KCNQ2: variants seen among roughly 807,000 people sequenced by gnomAD.
KCNQ2 encodes potassium voltage-gated channel subfamily Q member 2.
In KCNQ2, 14 loss-of-function variants were observed where a neutral mutation model predicts 84.8. That is an observed-to-expected ratio of 0.17 (90% CI 0.11 to 0.26). The LOEUF (loss-of-function observed/expected upper bound fraction) is 0.26, where lower values mean the gene tolerates loss of function less well. Among genes scored for constraint, KCNQ2 ranks in the 10% least tolerant of loss-of-function variants. KCNQ2 has a pLI of 1.00. For missense variants in KCNQ2, 788 were observed against 1,254.0 expected (o/e 0.63, Z 5.61); for synonymous variants, 599 against 554.1 (o/e 1.08, Z -1.14).
At chr20:63,461,827 T>G (rs1336942455) in intron 1 of KCNQ2, among the ~76,000 whole-genome samples, 3 of 123,284 alleles carry the variant, frequency 2.4e-5, no homozygotes, top group Admixed American at 8.4e-5. Flanking sequence ...GGGAAGAGGC[T>G]GCACCTACCC....
Position 63,463,067 on chromosome 20 carries a change from G to A in KCNQ2, c.296+9101C>T, listed in dbSNP as rs549570215. On this transcript the variant is annotated intron_variant, in intron 1 of 16. Transcript: ENST00000359125. ...GTGGGTGTCTTTTCTGTGTGTGTGT[G>A]TGTGTGTGTGTGTGTGTGTGCACAT... 7.2e-5 allele frequency among the ~76,000 whole-genome samples: 11 copies of A among 152,074 alleles called. No homozygotes were observed. The East Asian group carries it at 1.5e-3, about 21-fold the overall frequency.
rs563758575 is a variant in KCNQ2 at position 63,407,304 on chromosome 20, T to C, written c.1959A>G (p.Thr653=). ...TGGCCCCAAAGTAGGCCTCGGTCTC[T>C]GTCGGGGGGATGCCCATCCGCTGCA... ...IYMQRMGIPP[T]ETEAYFGAKE... Residue 653 remains threonine, a synonymous_variant, in exon 17 of 17, where the codon ACA becomes ACG. Transcript: ENST00000359125. The surrounding 1 kb of genome is among the most constrained non-coding windows in gnomAD (Gnocchi z 7.2). 1.9e-6 allele frequency: 3 copies of C among 1,596,274 alleles called. No individual in the cohort carries two copies. The highest frequency in any genetic ancestry group is 1.7e-5 in the Admixed American group (1 of 59,930).
chr20:63,411,997 C>T, intron 15 of KCNQ2: 1 of 641,708 alleles, frequency 1.6e-6, no homozygotes. Flanking sequence ...TCCGTCGAAA[C>T]AGGTGCTCTC....
At chr20:63,455,677 C>T (rs376396695) in intron 1 of KCNQ2, among the ~76,000 whole-genome samples, 2 of 152,136 alleles carry the variant, frequency 1.3e-5, no homozygotes, top group South Asian at 2.1e-4. Flanking sequence ...CCTGGGGCCC[C>T]CACCGCCCAG....
intron 1 of KCNQ2, among the ~76,000 whole-genome samples, chr20:63,452,108 C>T (rs1021381678): frequency 1.3e-5 from 2 of 152,244 alleles, no homozygotes; most frequent in Non-Finnish European, 2.9e-5. Flanking sequence ...CCACAGGCAG[C>T]GGCGGCAGAA....
rs2079798728 is a variant in KCNQ2 at position 63,401,008 on chromosome 20, G to A, written c.*5636C>T. On this transcript the variant is annotated 3_prime_UTR_variant, in exon 17 of 17. Transcript: ENST00000359125. ...GGCGTGTGGCGATGGCGATGTGCACGTGCCTGCCTGGTAGCCCCGGGGACC... is the reference window on the plus strand; with the variant it reads ...GGCGTGTGGCGATGGCGATGTGCACATGCCTGCCTGGTAGCCCCGGGGACC... 2 of 396,916 alleles carry A rather than the reference G, an allele frequency of 5.0e-6. No homozygotes were observed. Among genetic ancestry groups the A allele is most frequent in the Non-Finnish European group, 8.9e-6 (2 of 225,512 alleles). 24.6% of individuals were successfully genotyped at this position (396,916 alleles called of 1,614,324 possible).
chr20:63,467,244 C>A (rs1241777438), intron 1 of KCNQ2, among the ~76,000 whole-genome samples: 4 of 152,212 alleles, frequency 2.6e-5, no homozygotes, highest in Non-Finnish European at 4.4e-5. Flanking sequence ...TATTCAAGGC[C>A]CCCACAGGTC....
chr20:63,414,538 C>T lies in KCNQ2; in HGVS notation c.1526-345G>A, dbSNP rs1568878699. ...GCTCAGTGAAGGAAGCCAGACCCAA[C>T]GGCCCCACGTGGGAGCCGCAGACAC... On this transcript the variant is annotated intron_variant, in intron 13 of 16. Transcript: ENST00000359125. This position sits in a 1 kb window ranked among gnomAD's most constrained non-coding sequence, Gnocchi z 6.6. 6.6e-6 allele frequency among the ~76,000 whole-genome samples: 1 copy of T among 152,076 alleles called. No homozygotes were observed. The highest frequency in any genetic ancestry group is 1.5e-5 in the Non-Finnish European group (1 of 68,022).
At chr20:63,411,775 C>T (rs2080127701) in intron 15 of KCNQ2, 4 of 612,634 alleles carry the variant, frequency 6.5e-6, no homozygotes. Context: ...GCATCCTAAC[C>T]TAGGTGAGTA....
At chr20:63,470,477 C>T (rs1352858664) in intron 1 of KCNQ2, among the ~76,000 whole-genome samples, 1 of 152,212 alleles carries the variant, frequency 6.6e-6, no homozygotes, top group Non-Finnish European at 1.5e-5. Context: ...TCTCAGGAGG[C>T]AGAGACAGGA....
chr20:63,432,930 A>T lies in KCNQ2; in HGVS notation c.1118+879T>A, dbSNP rs559168178. Among the ~76,000 whole-genome samples the T allele has an allele frequency of 2.4e-3, 368 of 152,280 alleles. 1 individual carries two copies. Among genetic ancestry groups the T allele is most frequent in the Non-Finnish European group, 6.9e-4 (47 of 68,004 alleles). Reference sequence around the variant, plus strand: ...AGGCTCCAGGGGACAGAAACCCCCTAGGAGCAGGTGACGGGGGGCGCGGGA... The same window carrying T: ...AGGCTCCAGGGGACAGAAACCCCCTTGGAGCAGGTGACGGGGGGCGCGGGA... On this transcript the variant is annotated intron_variant, in intron 8 of 16. Transcript: ENST00000359125.
intron 12 of KCNQ2, 61 bp downstream of exon 12, chr20:63,419,558 G>A: frequency 6.6e-7 from 1 of 1,512,866 alleles, no homozygotes; most frequent in Non-Finnish European, 9.0e-7. Flanking sequence ...CCTCTAGTAA[G>A]CAGGGAGGGG....
rs1601570160 is a variant in KCNQ2 at position 63,414,227 on chromosome 20, G to A, written c.1526-34C>T. On this transcript the variant is annotated intron_variant, in intron 13 of 16. Transcript: ENST00000359125. The surrounding 1 kb of genome is among the most constrained non-coding windows in gnomAD (Gnocchi z 6.6). ...AAGGAGACAGGCCGTGAGGGGCCGA[G>A]GGGGCCGGGAGACCTATTCCCGGGG... 1.3e-6 allele frequency: 2 copies of A among 1,509,414 alleles called. No individual in the cohort carries two copies. The highest frequency in any genetic ancestry group is 3.4e-4 in the Middle Eastern group (2 of 5,854). 93.5% of individuals were successfully genotyped at this position (1,509,414 alleles called of 1,614,324 possible).
intron 1 of KCNQ2, among the ~76,000 whole-genome samples, chr20:63,466,202 C>T (rs2082077195): frequency 6.6e-6 from 1 of 152,166 alleles, no homozygotes; most frequent in Admixed American, 6.5e-5. Flanking sequence ...GAACAGCCGG[C>T]ATCTCCGCGG....
chr20:63,463,370 G>A (rs1475420561), intron 1 of KCNQ2, among the ~76,000 whole-genome samples: 4 of 152,094 alleles, frequency 2.6e-5, no homozygotes, highest in African/African-American at 4.8e-5. Flanking sequence ...GGCGCTCCCC[G>A]ATATCCCTGC....
intron 11 of KCNQ2, among the ~76,000 whole-genome samples, chr20:63,421,661 G>A (rs1015026775): frequency 7.9e-5 from 12 of 152,182 alleles, no homozygotes; most frequent in African/African-American, 2.2e-4. Flanking sequence ...ACGTGTGCTT[G>A]AGAAGAGGAG....
At position 63,446,720 on chromosome 20, in the gene KCNQ2, C is replaced by T. The variant is rs765267033; in HGVS notation, c.387+27G>A. 1.3e-6 allele frequency: 2 copies of T among 1,595,524 alleles called. No homozygotes were observed. Among genetic ancestry groups the T allele is most frequent in the East Asian group, 2.2e-5 (1 of 44,770 alleles). On this transcript the variant is annotated intron_variant, in intron 2 of 16. Transcript: ENST00000359125. The surrounding 1 kb of genome is among the most constrained non-coding windows in gnomAD (Gnocchi z 5.5). ...GCTCCAGCTCCTTCCTGGGCACTTC[C>T]AGCCCCCGCCCTCCCTCGGGGCTCA...
In KCNQ2 at chr20:63,425,875, A is replaced by C. The variant is rs2080614433; in HGVS notation, c.1218-1669T>G. 6.6e-6 allele frequency among the ~76,000 whole-genome samples: 1 copy of C among 152,212 alleles called. No individual in the cohort carries two copies. Among genetic ancestry groups the C allele is most frequent in the Non-Finnish European group, 1.5e-5 (1 of 68,030 alleles). On this transcript the variant is annotated intron_variant, in intron 10 of 16. Coordinates refer to ENST00000359125, the MANE Select transcript of KCNQ2 (RefSeq NM_172107.4). The surrounding 1 kb of genome is among the most constrained non-coding windows in gnomAD (Gnocchi z 5.5). ...GCATGGGCTTGTGAACTAGAAAACAAGCCATCTGCTTAAAGTATCAACAGC... is the reference window on the plus strand; with the variant it reads ...GCATGGGCTTGTGAACTAGAAAACACGCCATCTGCTTAAAGTATCAACAGC...
chr20:63,428,453 G>A lies in KCNQ2; in HGVS notation c.1149-18C>T. ...GGATAAGTCTGGGGCAAGAGAAGGA[G>A]AGGGGAGTGAGCGTCTCACCCTCCC... is the stretch of plus-strand genomic sequence containing the variant. On this transcript the variant is annotated intron_variant, in intron 9 of 16. Coordinates refer to ENST00000359125, the MANE Select transcript of KCNQ2 (RefSeq NM_172107.4). 1 of 1,577,006 alleles carries A rather than the reference G, an allele frequency of 6.3e-7. No individual in the cohort carries two copies. The highest frequency in any genetic ancestry group is 1.8e-5 in the Admixed American group (1 of 54,316).
Sources: gnomAD v4.1 joint callset for allele counts (sites outside exome capture counted in the v4.1 genomes callset) on GRCh38, gnomAD v4.1.1 for gene constraint, Gnocchi (gnomAD v3.1) non-coding constraint, MANE v1.5 for transcripts, NCBI Gene and HGNC (gene_info 2026-07-23, HGNC 2026-07-21) for gene names.